KRT78: variants seen among roughly 807,000 people sequenced by gnomAD.
KRT78 encodes the protein keratin, type II cytoskeletal 78.
Under a neutral mutation model 51.4 loss-of-function variants are expected in KRT78, and 55 were observed. That is an observed-to-expected ratio of 1.07 (90% CI 0.86 to 1.34). The LOEUF (loss-of-function observed/expected upper bound fraction) is 1.34. Among genes scored for constraint, KRT78 ranks in the 40% most tolerant of loss-of-function variants. KRT78 has a pLI of 0.00. For synonymous variants in KRT78, 291 were observed against 264.3 expected (o/e 1.10, Z -0.98); for missense variants, 652 against 649.4 (o/e 1.00, Z -0.04).
At position 52,848,605 on chromosome 12, in the gene KRT78, G is replaced by A. The variant is rs116117459; in HGVS notation, c.326C>T (p.Thr109Met). The A allele has an allele frequency of 3.1e-3, 5,010 of 1,614,024 alleles. 143 individuals are homozygous for A. The African/African-American group carries it at 0.061, about 19-fold the overall frequency. Residue 109 changes from threonine (T) to methionine (M), a missense_variant, in exon 1 of 9, where the codon ACG becomes ATG. By Grantham distance (81) the Thr-to-Met change is moderately conservative (BLOSUM62 -1). Transcript: ENST00000304620. The stretch of plus-strand genomic sequence containing the variant: ...GGTTCTGATCTCCTGGGTCTCCTGC[G>A]TCCGCACCACCTGGAACTGGGGATC... ...EIDPQFQVVR[T>M]QETQEIRTLN...
At chr12:52,842,368 C>T (rs1940518211) in intron 6 of KRT78, among the ~76,000 whole-genome samples, 1 of 152,180 alleles carries the variant, frequency 6.6e-6, no homozygotes, top group Non-Finnish European at 1.5e-5. Flanking sequence ...ATTCATAACA[C>T]TTCACATCTA....
intron 6 of KRT78, among the ~76,000 whole-genome samples, chr12:52,842,959 G>GAGAAAGGA (rs1299063277): frequency 1.9e-5 from 1 of 53,760 alleles, no homozygotes; most frequent in African/African-American, 1.2e-4. Context: ...GAGAGAGAGA[G>GAGAAAGGA]AGGAAGGAAG....
rs775461993 is a variant in KRT78, at chr12:52,839,380, G to GA, written c.1304-9dup. 12 of 1,613,440 alleles carry GA rather than the reference G, an allele frequency of 7.4e-6. No individual in the cohort carries two copies. Among genetic ancestry groups the GA allele is most frequent in the Admixed American group, 1.7e-5 (1 of 59,952 alleles). On this transcript the variant is annotated splice_polypyrimidine_tract_variant and intron_variant, in intron 8 of 8. Coordinates refer to ENST00000304620, the MANE Select transcript of KRT78 (RefSeq NM_173352.4). ...CGCTGCCTCCCACCGAGGCTGCCAA[G>GA]AAACGCACCGGGTCAGAGCAGGGTC...
At position 52,839,880 on chromosome 12, in the gene KRT78, C is replaced by T; in HGVS notation, c.1152G>A (p.Met384Ile). 6.2e-7 allele frequency: 1 copy of T among 1,614,064 alleles called. No homozygotes were observed. Among genetic ancestry groups the T allele is most frequent in the Non-Finnish European group, 8.5e-7 (1 of 1,180,012 alleles). Residue 384 changes from methionine (M) to isoleucine (I), a missense_variant, in exon 7 of 9, where the codon ATG (methionine) becomes ATA (isoleucine). Coordinates refer to ENST00000304620, the MANE Select transcript of KRT78 (RefSeq NM_173352.4). ...KVDELEAALRMAKQNLARLLC... is the reference protein window; with the variant it reads ...KVDELEAALRIAKQNLARLLC... ...GCAGCCGGGCCAGGTTCTGCTTGGC[C>T]ATCCTCAGAGCAGCCTCCAGCTCGT...
In KRT78 at chr12:52,839,196, A is replaced by G; in HGVS notation, c.1480T>C (p.Ser494Pro). 1.2e-6 allele frequency: 2 copies of G among 1,613,094 alleles called. No individual in the cohort carries two copies. Among genetic ancestry groups the G allele is most frequent in the South Asian group, 2.2e-5 (2 of 90,660 alleles). ...CAGCTGGAGCCAGCGCTGGAGCCAG[A>G]CACAGAGCAGGAATCCAAAACAGGG... ...KDPVLDSCSV[S>P]GSSAGSSCHT... is the part of the protein sequence containing the mutation. Residue 494 changes from serine (S) to proline (P), a missense_variant, in exon 9 of 9, where the codon TCT (serine) becomes CCT (proline). Coordinates refer to ENST00000304620, the MANE Select transcript of KRT78 (RefSeq NM_173352.4).
intron 6 of KRT78, among the ~76,000 whole-genome samples, chr12:52,840,572 T>C (rs957802612): frequency 3.3e-5 from 5 of 152,084 alleles, no homozygotes; most frequent in African/African-American, 1.2e-4. Flanking sequence ...CTGACCATAG[T>C]GGCACGCACC....
At chr12:52,848,351 CTGAG>C in intron 1 of KRT78, 192 bp downstream of exon 1, 1 of 1,448,892 alleles carries the variant, frequency 6.9e-7, no homozygotes, top group Non-Finnish European at 9.3e-7. Context: ...TTCTCTGTCC[CTGAG>C]CCCCAATCAT....
rs764230707 is a variant in KRT78, at chr12:52,844,134, T to C, written c.1006A>G (p.Ile336Val). ...KVQISQLHQE[I>V]QRLQSQTENL... Reference sequence around the variant, plus strand: ...TCAGTCTGACTCTGCAGCCTCTGAATCTCTTGGTGTAGCTGAGAGATCTGG... The same window carrying C: ...TCAGTCTGACTCTGCAGCCTCTGAACCTCTTGGTGTAGCTGAGAGATCTGG... The change falls in exon 6 of 9, where the codon ATT (isoleucine) becomes GTT (valine). Residue 336 changes from isoleucine (I) to valine (V), a missense_variant. Transcript: ENST00000304620. 3 of 1,612,520 alleles carry C rather than the reference T, an allele frequency of 1.9e-6. No homozygotes were observed. Among genetic ancestry groups the C allele is most frequent in the East Asian group, 4.5e-5 (2 of 44,868 alleles).
intron 7 of KRT78, 105 bp downstream of exon 7, chr12:52,839,659 T>C (rs904114089): frequency 3.8e-6 from 5 of 1,327,758 alleles, no homozygotes; most frequent in Non-Finnish European, 5.3e-6. Context: ...CAACTCACAA[T>C]GTCAGGAAAT....
rs1445352310 is a variant in KRT78 at position 52,839,581 on chromosome 12, C to A, written c.1269-94G>T. ...TAAGCCCCTCAAAGCAGGTCACCCA[C>A]CCTCTCAGCAGATAAAATCCACAGT... On this transcript the variant is annotated intron_variant, in intron 7 of 8. Transcript: ENST00000304620. 2.2e-6 allele frequency: 3 copies of A among 1,381,860 alleles called. No individual in the cohort carries two copies. In the African/African-American group the frequency reaches 4.3e-5, roughly 20 times the overall value. 85.6% of individuals were successfully genotyped at this position (1,381,860 alleles called of 1,614,324 possible).
chr12:52,847,280 C>A (rs1940664813), intron 2 of KRT78, among the ~76,000 whole-genome samples: 1 of 152,186 alleles, frequency 6.6e-6, no homozygotes, highest in Non-Finnish European at 1.5e-5. Flanking sequence ...GCCAGAAGGG[C>A]AGGTGACATT....
At position 52,848,411 on chromosome 12, in the gene KRT78, A is replaced by G. The variant is rs563788324; in HGVS notation, c.384+136T>C. The G allele has an allele frequency of 2.7e-5, 38 of 1,420,584 alleles. No homozygotes were observed. In the South Asian group the frequency reaches 4.5e-4, roughly 17 times the overall value. The allele number at this position is 1,420,584 out of a possible 1,614,324, so 88.0% of individuals were successfully genotyped here. A position where few individuals can be genotyped will look rare whatever the true frequency, so the allele number is the denominator to read the frequency against. ...TAGCCAGAGAGAGTCCAGTTAGTCC[A>G]CAGGAGGGACTTCTTTGCTGCAGAA... is the stretch of plus-strand genomic sequence containing the variant. On this transcript the variant is annotated intron_variant, in intron 1 of 8. Coordinates refer to ENST00000304620, the MANE Select transcript of KRT78 (RefSeq NM_173352.4).
chr12:52,838,296 C>T lies in KRT78; in HGVS notation c.*817G>A, dbSNP rs929900792. On this transcript the variant is annotated 3_prime_UTR_variant, in exon 9 of 9. Coordinates refer to ENST00000304620, the MANE Select transcript of KRT78 (RefSeq NM_173352.4). ...CTCCTGGCACCCCACCTGATTCCCA[C>T]ACTCCTGGCTTCCTGCAGAGCTTCC... 2 of 152,286 alleles carry T rather than the reference C, an allele frequency of 1.3e-5. No individual in the cohort carries two copies. Among genetic ancestry groups the T allele is most frequent in the Non-Finnish European group, 1.5e-5 (1 of 68,146 alleles). 9.4% of individuals were successfully genotyped at this position (152,286 alleles called of 1,614,324 possible).
intron 2 of KRT78, among the ~76,000 whole-genome samples, chr12:52,847,236 A>G (rs1334821615): frequency 1.3e-5 from 2 of 151,978 alleles, no homozygotes; most frequent in Admixed American, 1.3e-4. Flanking sequence ...TCCTTCCTCC[A>G]CCTCACATCC....
At chr12:52,844,767 T>C in intron 4 of KRT78, 44 bp from the exon 5 acceptor site, 1 of 1,554,300 alleles carries the variant, frequency 6.4e-7, no homozygotes, top group Non-Finnish European at 8.7e-7. Context: ...CCCAGCTCCT[T>C]CTCCCCTTGA....
At chr12:52,840,214 C>T (rs1312870203) in intron 6 of KRT78, among the ~76,000 whole-genome samples, 12 of 151,984 alleles carry the variant, frequency 7.9e-5, no homozygotes, top group Non-Finnish European at 1.3e-4. Context: ...GAAGAGTATC[C>T]CCCAAAACTT....
chr12:52,844,479 C>T (rs779272356), intron 5 of KRT78, 80 bp downstream of exon 5: 422 of 1,499,282 alleles, frequency 2.8e-4, no homozygotes, highest in Non-Finnish European at 3.5e-4. Flanking sequence ...CCAATGGGAT[C>T]GAGGTGGATG....
rs554879585 is a variant in KRT78 at position 52,847,850 on chromosome 12, A to G, written c.599+57T>C. On this transcript the variant is annotated intron_variant, in intron 2 of 8. Coordinates refer to ENST00000304620, the MANE Select transcript of KRT78 (RefSeq NM_173352.4). ...GGGACACCTCCTGGCTGACAGACCC[A>G]AACTGAGTCATCCCAGACCCCGCCC... is the stretch of plus-strand genomic sequence containing the variant. 5.2e-6 allele frequency: 8 copies of G among 1,533,992 alleles called. No homozygotes were observed. In the East Asian group the frequency reaches 1.8e-4, roughly 35 times the overall value.
Position 52,848,717 on chromosome 12 carries a change from C to T in KRT78, c.214G>A (p.Gly72Arg), listed in dbSNP as rs546459213. 1 of 1,612,590 alleles carries T rather than the reference C, an allele frequency of 6.2e-7. No homozygotes were observed. Among genetic ancestry groups the T allele is most frequent in the African/African-American group, 1.3e-5 (1 of 74,956 alleles). ...LGVRFGEWSG[G>R]PGLSLCPPGG... ...GGAGGGCACAGGGAGAGCCCAGGCC[C>T]ACCACTCCACTCCCCAAACCGCACC... Residue 72 changes from glycine to arginine, a missense_variant, in exon 1 of 9, where the codon GGG becomes AGG. Coordinates refer to ENST00000304620, the MANE Select transcript of KRT78 (RefSeq NM_173352.4).
Sources: allele counts gnomAD v4.1 joint callset (sites outside exome capture counted in the v4.1 genomes callset), GRCh38; gene constraint gnomAD v4.1.1; transcripts MANE v1.5; gene names NCBI Gene and HGNC (gene_info 2026-07-23, HGNC 2026-07-21).